NRG1: variants seen among roughly 807,000 people sequenced by gnomAD.
NRG1 encodes pro-neuregulin-1, membrane-bound isoform.
In NRG1, 18 loss-of-function variants were observed where a neutral mutation model predicts 63.8. The ratio of observed to expected loss-of-function variants is 0.28; its 90% CI spans 0.19 to 0.42. The LOEUF (loss-of-function observed/expected upper bound fraction) is 0.42, where lower values mean the gene tolerates loss of function less well. Among genes scored for constraint, NRG1 ranks in the 10% least tolerant of loss-of-function variants. NRG1 has a pLI of 1.00. For missense variants in NRG1, 762 were observed against 814.7 expected (o/e 0.94, Z 0.79); for synonymous variants, 302 against 301.3 (o/e 1.00, Z -0.02).
At chr8:31,705,842 A>G (rs560226205) in intron 1 of NRG1, among the ~76,000 whole-genome samples, 16 of 152,324 alleles carry the variant, frequency 1.1e-4, no homozygotes, top group African/African-American at 3.1e-4. Flanking sequence ...TTCCTGCTTA[A>G]AAAAGGAGGT....
chr8:32,431,153 G>A (rs1052055491), intron 1 of NRG1, among the ~76,000 whole-genome samples: 3 of 152,132 alleles, frequency 2.0e-5, no homozygotes, highest in African/African-American at 7.2e-5. Context: ...TGGCAGAGTT[G>A]GGATTTAAGC....
intron 1 of NRG1, among the ~76,000 whole-genome samples, chr8:32,193,229 A>G (rs1340634341): frequency 6.6e-6 from 1 of 152,118 alleles, no homozygotes; most frequent in East Asian, 1.9e-4. Context: ...TAGCAAGTGA[A>G]CACAGTGCAG....
chr8:32,111,334 C>T (rs757760086), intron 1 of NRG1, among the ~76,000 whole-genome samples: 80 of 152,108 alleles, frequency 5.3e-4, no homozygotes, highest in Non-Finnish European at 8.5e-4. Flanking sequence ...CCAGGCTGGT[C>T]TCAAACTCCT....
intron 1 of NRG1, among the ~76,000 whole-genome samples, chr8:31,928,697 A>G (rs1290433133): frequency 1.3e-5 from 2 of 152,150 alleles, no homozygotes; most frequent in Non-Finnish European, 2.9e-5. Flanking sequence ...AGCCATTTAA[A>G]AAGAATGAAA....
At chr8:31,800,773 A>AT (rs1363320216) in intron 1 of NRG1, among the ~76,000 whole-genome samples, 2 of 150,780 alleles carry the variant, frequency 1.3e-5, no homozygotes, top group Admixed American at 1.3e-4. Context: ...GAATTTAAAC[A>AT]TTTTGTCACT....
intron 5 of NRG1, among the ~76,000 whole-genome samples, chr8:32,715,258 T>C (rs779103949): frequency 7.2e-5 from 11 of 152,080 alleles, no homozygotes; most frequent in Non-Finnish European, 1.5e-4. Context: ...CCCAACTGGA[T>C]TGCTGAATTT....
rs10604171 is a variant in NRG1, at chr8:32,706,552, GGTGTGT to G, written c.503-21382_503-21377del. On this transcript the variant is annotated intron_variant, in intron 5 of 11. Coordinates refer to ENST00000356819, the Ensembl canonical transcript of NRG1. Reference sequence around the variant, plus strand: ...TTTAAGAAGTGCATGGGTATATATAGGTGTGTGTGTGTGTGTGTGTTTGTGTGTAAT... The same window carrying G: ...TTTAAGAAGTGCATGGGTATATATAGGTGTGTGTGTGTGTTTGTGTGTAAT... 2.3e-3 allele frequency among the ~76,000 whole-genome samples: 347 copies of G among 150,806 alleles called. 5 individuals carry two copies. The highest frequency in any genetic ancestry group is 8.0e-3 in the African/African-American group (330 of 41,128).
chr8:31,702,398 T>C (rs1810715414), intron 1 of NRG1, among the ~76,000 whole-genome samples: 1 of 152,154 alleles, frequency 6.6e-6, no homozygotes, highest in South Asian at 2.1e-4. Context: ...AATTGGGTAA[T>C]ACTTACTTTA....
Position 32,174,128 on chromosome 8 carries a change from A to G in NRG1, c.38-421700A>G, listed in dbSNP as rs1387549821. Reference sequence around the variant, plus strand: ...CAGCAAATGTAAAAGAACAGAAATTATAACAAACTGTCTCTCAGACCACAG... The same window carrying G: ...CAGCAAATGTAAAAGAACAGAAATTGTAACAAACTGTCTCTCAGACCACAG... On this transcript the variant is annotated intron_variant, in intron 1 of 10. Coordinates refer to the NRG1 transcript ENST00000519301. 5.9e-5 allele frequency among the ~76,000 whole-genome samples: 9 copies of G among 152,228 alleles called. No individual in the cohort carries two copies. In the East Asian group the frequency reaches 1.3e-3, roughly 23 times the overall value.
At chr8:32,189,973 C>T (rs909858675) in intron 1 of NRG1, among the ~76,000 whole-genome samples, 1 of 152,140 alleles carries the variant, frequency 6.6e-6, no homozygotes, top group Non-Finnish European at 1.5e-5. Context: ...ACTGCCTCTC[C>T]TACACCTTTG....
intron 1 of NRG1, among the ~76,000 whole-genome samples, chr8:32,368,285 G>A (rs1808350035): frequency 1.3e-5 from 2 of 152,172 alleles, no homozygotes; most frequent in Non-Finnish European, 2.9e-5. Flanking sequence ...AGTACTTCTA[G>A]GGTCTGGGTG....
At chr8:32,039,064 G>A (rs943886725) in intron 1 of NRG1, among the ~76,000 whole-genome samples, 1 of 152,020 alleles carries the variant, frequency 6.6e-6, no homozygotes, top group African/African-American at 2.4e-5. Flanking sequence ...TGTTTGTTTT[G>A]GCTTTGTGTT....
At chr8:32,344,594 A>ACTCAGC (rs1420948192) in intron 1 of NRG1, among the ~76,000 whole-genome samples, 1 of 131,728 alleles carries the variant, frequency 7.6e-6, no homozygotes, top group Non-Finnish European at 1.6e-5. Context: ...ATGTCACTAC[A>ACTCAGC]CTCAGCTATT....
intron 5 of NRG1, chr8:32,647,279 T>C (rs1853800385): frequency 4.1e-6 from 4 of 985,374 alleles, no homozygotes; most frequent in Non-Finnish European, 4.8e-6. Context: ...TGGTCCTCCT[T>C]CTGCTTTTAC....
chr8:32,255,004 T>A (rs1849530155), intron 1 of NRG1, among the ~76,000 whole-genome samples: 1 of 152,254 alleles, frequency 6.6e-6, no homozygotes, highest in African/African-American at 2.4e-5. Context: ...TATCAGAGAC[T>A]AGGATTGCAA....
At chr8:32,338,203 G>A (rs1283715393) in intron 1 of NRG1, among the ~76,000 whole-genome samples, 1 of 152,146 alleles carries the variant, frequency 6.6e-6, no homozygotes, top group Non-Finnish European at 1.5e-5. Context: ...GAGGAGCATA[G>A]GAGAAAGGTA....
intron 5 of NRG1, among the ~76,000 whole-genome samples, chr8:32,618,515 C>T (rs1170368257): frequency 6.6e-6 from 1 of 152,018 alleles, no homozygotes; most frequent in African/African-American, 2.4e-5. Context: ...GACTCCATTC[C>T]CTAATTCTCA....
chr8:32,370,108 G>A (rs1010447839), intron 1 of NRG1, among the ~76,000 whole-genome samples: 6 of 152,176 alleles, frequency 3.9e-5, no homozygotes, highest in Non-Finnish European at 7.4e-5. Flanking sequence ...GATATAAAAA[G>A]CCAGCTTTCT....
At chr8:31,673,765 A>G (rs1807395128) in intron 1 of NRG1, among the ~76,000 whole-genome samples, 1 of 152,142 alleles carries the variant, frequency 6.6e-6, no homozygotes, top group Admixed American at 6.6e-5. Flanking sequence ...TTTCATGGTG[A>G]GATTCATAGT....
Sources: gnomAD v4.1 joint callset for allele counts (sites outside exome capture counted in the v4.1 genomes callset) on GRCh38, gnomAD v4.1.1 for gene constraint, MANE v1.5 for transcripts, NCBI Gene and HGNC (gene_info 2026-07-23, HGNC 2026-07-21) for gene names.